The following ZFPM2 variants were observed in gnomAD, a reference collection of about 807,000 sequenced individuals.
ZFPM2 encodes zinc finger protein ZFPM2.
Under a neutral mutation model 98.6 loss-of-function variants are expected in ZFPM2, and 20 were observed. The ratio of observed to expected loss-of-function variants is 0.20; its 90% CI spans 0.14 to 0.29. The LOEUF (loss-of-function observed/expected upper bound fraction) is 0.29. Ranked by LOEUF, ZFPM2 falls within the 10% of genes least tolerant of loss-of-function variation. The pLI is 1.00. For synonymous variants in ZFPM2, 518 were observed against 502.7 expected, an observed-to-expected ratio of 1.03 and a Z score of -0.41; for missense variants, 1,310 against 1,388.6, an observed-to-expected ratio of 0.94 and a Z score of 0.90.
At chr8:105,489,444 G>GT (rs869285056) in intron 3 of ZFPM2, among the ~76,000 whole-genome samples, 1 of 123,146 alleles carries the variant, frequency 8.1e-6, no homozygotes, top group East Asian at 2.2e-4. Context: ...ATAGATATAT[G>GT]TTTTTATATA....
intron 5 of ZFPM2, among the ~76,000 whole-genome samples, chr8:105,722,722 AG>A (rs1322016274): frequency 6.6e-6 from 1 of 151,594 alleles, no homozygotes; most frequent in East Asian, 2.0e-4. Context: ...GAGGAAGATG[AG>A]GGGGTGGTCT....
In ZFPM2 at chr8:105,731,643, G is replaced by A. The variant is rs1445932680; in HGVS notation, c.533-57075G>A. ...GTAAATAGAAAGTTTATAATATAGAGGGGGAGCTTCAACCTCCAAAAAATG... is the reference window on the plus strand; with the variant it reads ...GTAAATAGAAAGTTTATAATATAGAAGGGGAGCTTCAACCTCCAAAAAATG... On this transcript the variant is annotated intron_variant, in intron 5 of 7. Transcript: ENST00000407775. 8.6e-5 allele frequency among the ~76,000 whole-genome samples: 13 copies of A among 151,560 alleles called. No homozygotes were observed. The Admixed American group carries it at 8.6e-4, about 10-fold the overall frequency.
chr8:105,692,293 A>C (rs1263266834), intron 5 of ZFPM2, among the ~76,000 whole-genome samples: 1 of 152,190 alleles, frequency 6.6e-6, no homozygotes, highest in Non-Finnish European at 1.5e-5. Context: ...TCTTTTTATA[A>C]TGTCCATATT....
intron 4 of ZFPM2, among the ~76,000 whole-genome samples, chr8:105,626,532 G>A (rs968560212): frequency 4.6e-5 from 7 of 152,084 alleles, no homozygotes; most frequent in African/African-American, 1.7e-4. Context: ...TCATTTAAAT[G>A]TGGGGAATAA....
At chr8:105,392,335 C>T (rs542139430) in intron 1 of ZFPM2, among the ~76,000 whole-genome samples, 1 of 152,240 alleles carries the variant, frequency 6.6e-6, no homozygotes, top group Admixed American at 6.5e-5. Context: ...AAAACTTGTT[C>T]TTTAATTATG....
intron 1 of ZFPM2, among the ~76,000 whole-genome samples, chr8:105,375,076 T>A (rs1389383649): frequency 6.6e-6 from 1 of 152,172 alleles, no homozygotes; most frequent in East Asian, 1.9e-4. Context: ...ATTTTGGAGA[T>A]AATAATTTGT....
chr8:105,527,931 T>G (rs991974480), intron 3 of ZFPM2, among the ~76,000 whole-genome samples: 4 of 152,224 alleles, frequency 2.6e-5, no homozygotes, highest in African/African-American at 9.6e-5. Flanking sequence ...TCCAGTTTCA[T>G]GGCTTTAGAA....
intron 3 of ZFPM2, among the ~76,000 whole-genome samples, chr8:105,514,193 G>A (rs768843671): frequency 4.0e-5 from 6 of 151,814 alleles, no homozygotes; most frequent in Non-Finnish European, 8.8e-5. Context: ...AGTAGAGATG[G>A]GGTTTCACCA....
intron 1 of ZFPM2, among the ~76,000 whole-genome samples, chr8:105,343,903 C>T (rs1168507902): frequency 6.6e-6 from 1 of 152,066 alleles, no homozygotes. Flanking sequence ...TTCACATTGA[C>T]ATACCTGAGA....
At chr8:105,602,441 A>T (rs1816112275) in intron 4 of ZFPM2, among the ~76,000 whole-genome samples, 1 of 152,126 alleles carries the variant, frequency 6.6e-6, no homozygotes, top group Non-Finnish European at 1.5e-5. Context: ...AATGAAGCCG[A>T]ATTATAACTG....
chr8:105,793,165 A>G (rs1397007349), intron 6 of ZFPM2, among the ~76,000 whole-genome samples: 2 of 150,042 alleles, frequency 1.3e-5, no homozygotes, highest in South Asian at 2.1e-4. Flanking sequence ...TAGTTGATGC[A>G]GTTTCTTCCT....
intron 1 of ZFPM2, among the ~76,000 whole-genome samples, chr8:105,343,636 A>G (rs2957446): frequency 0.46 from 69,698 of 151,920 alleles, 17,607 homozygotes; most frequent in Middle Eastern, 0.59. Context: ...AAAATGGCCC[A>G]GCCTTCTTTG....
chr8:105,457,689 TTTTG>T (rs953813596), intron 3 of ZFPM2, among the ~76,000 whole-genome samples: 22 of 152,192 alleles, frequency 1.4e-4, no homozygotes, highest in Middle Eastern at 3.4e-3. Context: ...AGAAAATGGT[TTTTG>T]TTTGTTTGTT....
intron 2 of ZFPM2, among the ~76,000 whole-genome samples, chr8:105,427,526 T>G (rs1335301375): frequency 2.0e-5 from 3 of 152,222 alleles, no homozygotes; most frequent in Non-Finnish European, 1.5e-5. Context: ...ATGTAGATTT[T>G]CTTATTAATA....
chr8:105,596,739 C>CTTTTTTTTTTTTTT (rs910632602), intron 4 of ZFPM2, among the ~76,000 whole-genome samples: 5 of 58,932 alleles, frequency 8.5e-5, no homozygotes, highest in Non-Finnish European at 1.4e-4. Context: ...CCTTTGTCTG[C>CTTTTTTTTTTTTTT]TTTTTTTTTT....
At chr8:105,558,388 A>G (rs546676944) in intron 3 of ZFPM2, among the ~76,000 whole-genome samples, 48 of 152,330 alleles carry the variant, frequency 3.2e-4, no homozygotes, top group African/African-American at 1.1e-3. Flanking sequence ...AGACTGGGGT[A>G]TTCTTGCTTG....
chr8:105,717,300 T>C (rs1409371624), intron 5 of ZFPM2, among the ~76,000 whole-genome samples: 1 of 151,966 alleles, frequency 6.6e-6, no homozygotes, highest in Non-Finnish European at 1.5e-5. Context: ...GAGGGGAAAA[T>C]CAAATTCTTA....
Position 105,744,618 on chromosome 8 carries a change from T to A in ZFPM2, c.533-44100T>A, listed in dbSNP as rs577701310. Among the ~76,000 whole-genome samples the A allele has an allele frequency of 2.0e-5, 3 of 151,116 alleles. 1 individual carries two copies. Among genetic ancestry groups the A allele is most frequent in the African/African-American group, 7.3e-5 (3 of 41,076 alleles). ...AACACATCCAAACTAGGTGTGAGTT[T>A]CTTTGTGTGTATGTATATTAGAAGA... On this transcript the variant is annotated intron_variant, in intron 5 of 7. Transcript: ENST00000407775.
At chr8:105,535,953 ATACTT>A (rs544249324) in intron 3 of ZFPM2, among the ~76,000 whole-genome samples, 5 of 152,330 alleles carry the variant, frequency 3.3e-5, no homozygotes, top group African/African-American at 1.2e-4. Context: ...AGTTTTATGA[ATACTT>A]TAATTAGAGA....
Sources: gnomAD v4.1 joint callset for allele counts (sites outside exome capture counted in the v4.1 genomes callset) on GRCh38, gnomAD v4.1.1 for gene constraint, MANE v1.5 for transcripts, NCBI Gene and HGNC (gene_info 2026-07-23, HGNC 2026-07-21) for gene names.